The following DNAH3 variants were observed in gnomAD, a reference collection of about 807,000 sequenced individuals.
DNAH3 encodes the protein axonemal beta dynein heavy chain 3.
In DNAH3, 332 loss-of-function variants were observed where a neutral mutation model predicts 432.5. The observed-to-expected ratio is 0.77, with a 90% CI of 0.70 to 0.84. DNAH3 has a LOEUF of 0.84. Ranked by LOEUF, DNAH3 falls within the 40% of genes least tolerant of loss-of-function variation. The pLI is 0.00. For missense variants in DNAH3, 4,861 were observed against 5,114.0 expected (o/e 0.95, Z 1.51); for synonymous variants, 1,956 against 1,900.2 (o/e 1.03, Z -0.76).
At chr16:21,037,137 C>T (rs1481181040) in intron 34 of DNAH3, among the ~76,000 whole-genome samples, 1 of 152,040 alleles carries the variant, frequency 6.6e-6, no homozygotes, top group African/African-American at 2.4e-5. Flanking sequence ...GGTGAAAACC[C>T]GTCTCTACTA....
At chr16:21,106,515 G>C (rs144705175) in exon 15 of DNAH3, 2 of 1,610,582 alleles carry the variant, frequency 1.2e-6, no homozygotes, top group African/African-American at 2.7e-5. Flanking sequence ...AGTCCATCAG[G>C]AACTCCAGCC....
intron 32 of DNAH3, among the ~76,000 whole-genome samples, chr16:21,041,233 T>C (rs1188434454): frequency 6.6e-6 from 1 of 152,022 alleles, no homozygotes; most frequent in Non-Finnish European, 1.5e-5. Context: ...TAGCTGGGCA[T>C]GGTGGCGCAT....
intron 47 of DNAH3, among the ~76,000 whole-genome samples, chr16:20,986,704 G>A (rs777102970): frequency 4.6e-5 from 7 of 152,090 alleles, no homozygotes; most frequent in Non-Finnish European, 1.0e-4. Flanking sequence ...CCCACTCTGT[G>A]CCTGGAGTAG....
In DNAH3 at chr16:20,965,325, T is replaced by TG. The variant is rs962124221; in HGVS notation, c.8558dup (p.Leu2854ThrfsTer22). ...TTTCCCGGATCCGCTTCATGGTCAGTGGGGGGATGTTGTCTTTGTCATATG... is the reference window on the plus strand; with the variant it reads ...TTTCCCGGATCCGCTTCATGGTCAGTGGGGGGGATGTTGTCTTTGTCATATG... On this transcript the variant is annotated frameshift_variant, in exon 53 of 62. Coordinates refer to ENST00000261383, the Ensembl canonical transcript of DNAH3. LOFTEE classifies it high-confidence loss of function. 1.2e-6 allele frequency: 2 copies of TG among 1,608,642 alleles called. No homozygotes were observed. Among genetic ancestry groups the TG allele is most frequent in the South Asian group, 1.1e-5 (1 of 90,476 alleles).
At chr16:20,965,888 T>C (rs1015483700) in intron 52 of DNAH3, among the ~76,000 whole-genome samples, 1 of 151,240 alleles carries the variant, frequency 6.6e-6, no homozygotes, top group Non-Finnish European at 1.5e-5. Flanking sequence ...AATTTTTGTA[T>C]TTTTAGTAGA....
chr16:21,013,054 C>T (rs1159616571), intron 41 of DNAH3, among the ~76,000 whole-genome samples: 8 of 151,950 alleles, frequency 5.3e-5, no homozygotes, highest in Non-Finnish European at 1.2e-4. Context: ...TGTGAGCCAC[C>T]GTGCACAGCC....
chr16:21,030,733 T>C (rs913852804), intron 37 of DNAH3, among the ~76,000 whole-genome samples: 3 of 152,162 alleles, frequency 2.0e-5, no homozygotes, highest in East Asian at 1.9e-4. Context: ...AAAACTGAGA[T>C]TCAGAGAAGT....
chr16:21,105,577 C>A (rs1466131001), intron 15 of DNAH3, among the ~76,000 whole-genome samples: 1 of 151,968 alleles, frequency 6.6e-6, no homozygotes, highest in Admixed American at 6.6e-5. Context: ...ACTAGCCTGG[C>A]CAACATGGAG....
chr16:21,061,569 A>G (rs1464828448), intron 25 of DNAH3, among the ~76,000 whole-genome samples: 1 of 152,226 alleles, frequency 6.6e-6, no homozygotes, highest in African/African-American at 2.4e-5. Context: ...GAAACAGACA[A>G]CTTCTCAGAA....
chr16:21,088,408 G>A (rs1433310270), intron 18 of DNAH3, among the ~76,000 whole-genome samples: 1 of 152,184 alleles, frequency 6.6e-6, no homozygotes, highest in Admixed American at 6.5e-5. Context: ...CACAAACAGA[G>A]TGACTTGCCT....
intron 21 of DNAH3, among the ~76,000 whole-genome samples, chr16:21,073,818 C>T (rs9927390): frequency 0.25 from 37,512 of 152,028 alleles, 5,007 homozygotes; most frequent in Admixed American, 0.34. Flanking sequence ...GGGGGTCTTG[C>T]CCTATGCCTG....
At chr16:21,069,350 A>G (rs1158238824) in intron 23 of DNAH3, 65 bp downstream of exon 23, 2 of 1,395,332 alleles carry the variant, frequency 1.4e-6, no homozygotes, top group African/African-American at 1.4e-5. Flanking sequence ...GAAGGTGACT[A>G]GAATGCATAA....
intron 1 of DNAH3, among the ~76,000 whole-genome samples, chr16:21,150,043 T>C (rs1234946092): frequency 6.6e-6 from 1 of 151,846 alleles, no homozygotes; most frequent in Non-Finnish European, 1.5e-5. Context: ...CTGACCAACA[T>C]GGATAAACCC....
intron 23 of DNAH3, among the ~76,000 whole-genome samples, chr16:21,068,900 T>C (rs1311058827): frequency 6.6e-6 from 1 of 152,192 alleles, no homozygotes; most frequent in African/African-American, 2.4e-5. Context: ...CTGCTTTCTA[T>C]GTTACATATT....
chr16:21,108,712 C>T (rs942088545), intron 14 of DNAH3, among the ~76,000 whole-genome samples: 2 of 152,154 alleles, frequency 1.3e-5, no homozygotes, highest in East Asian at 3.8e-4. Context: ...CACTGCACTC[C>T]AGTCTGGGCA....
At chr16:21,039,498 G>A (rs922109983) in intron 33 of DNAH3, among the ~76,000 whole-genome samples, 1 of 152,064 alleles carries the variant, frequency 6.6e-6, no homozygotes, top group African/African-American at 2.4e-5. Flanking sequence ...GATTACAGAC[G>A]TGAGCCACCA....
intron 1 of DNAH3, among the ~76,000 whole-genome samples, chr16:21,152,731 T>G (rs2092867866): frequency 6.6e-6 from 1 of 152,224 alleles, no homozygotes; most frequent in African/African-American, 2.4e-5. Flanking sequence ...ATGAGGGGCT[T>G]AGCACCCCGG....
At chr16:21,054,357 T>A in intron 28 of DNAH3, 63 bp downstream of exon 28, 4 of 1,259,686 alleles carry the variant, frequency 3.2e-6, no homozygotes, top group Non-Finnish European at 3.5e-6. Flanking sequence ...AGAACTGAGA[T>A]GAGCAAGACT....
chr16:21,108,532 C>T (rs1311567472), intron 14 of DNAH3, among the ~76,000 whole-genome samples: 3 of 151,580 alleles, frequency 2.0e-5, no homozygotes, highest in African/African-American at 4.8e-5. Context: ...TTGCTTGAGC[C>T]AGGGAGTTTG....
Sources: gnomAD v4.1 joint callset for allele counts (sites outside exome capture counted in the v4.1 genomes callset) on GRCh38, gnomAD v4.1.1 for gene constraint, MANE v1.5 for transcripts, NCBI Gene and HGNC (gene_info 2026-07-23, HGNC 2026-07-21) for gene names.